IFT43: variants seen among roughly 807,000 people sequenced by gnomAD.
IFT43 encodes the protein intraflagellar transport 43.
In IFT43, 33 loss-of-function variants were observed where a neutral mutation model predicts 32.3. The observed-to-expected ratio is 1.02, with a 90% CI of 0.77 to 1.37. The LOEUF (loss-of-function observed/expected upper bound fraction) is 1.37, where lower values mean the gene tolerates loss of function less well. Among genes scored for constraint, IFT43 ranks in the 40% most tolerant of loss-of-function variants. The probability of loss-of-function intolerance (pLI) is 0.00; values close to 1 mark genes in which losing one functional copy is unlikely to be tolerated. For synonymous variants in IFT43, 93 were observed against 98.2 expected (o/e 0.95, Z 0.31); for missense variants, 274 against 265.9 (o/e 1.03, Z -0.21).
intron 3 of IFT43, among the ~76,000 whole-genome samples, chr14:76,042,544 T>G (rs1452772327): frequency 6.6e-6 from 1 of 152,214 alleles, no homozygotes; most frequent in African/African-American, 2.4e-5. Flanking sequence ...CTAGCATCCT[T>G]TGGCCTCGCT....
chr14:76,031,838 TC>T (rs1316933516), intron 3 of IFT43, among the ~76,000 whole-genome samples: 1 of 152,192 alleles, frequency 6.6e-6, no homozygotes, highest in African/African-American at 2.4e-5. Context: ...CCAGGGCTCT[TC>T]CTCTAACCTT....
chr14:76,047,495 T>G (rs766297280), intron 3 of IFT43, among the ~76,000 whole-genome samples: 1 of 152,162 alleles, frequency 6.6e-6, no homozygotes, highest in Non-Finnish European at 1.5e-5. Flanking sequence ...GTTAACTGTT[T>G]AGGAGAGGAG....
At chr14:75,986,020 T>C in intron 1 of IFT43, 180 bp downstream of exon 1, 1 of 1,525,012 alleles carries the variant, frequency 6.6e-7, no homozygotes, top group Non-Finnish European at 8.8e-7. Flanking sequence ...CCGCCGCTGC[T>C]GGCCTGGGGT....
At chr14:76,016,983 C>A (rs2036200640) in intron 2 of IFT43, among the ~76,000 whole-genome samples, 2 of 152,108 alleles carry the variant, frequency 1.3e-5, no homozygotes, top group African/African-American at 4.8e-5. Context: ...AAGATCATAT[C>A]ATCTGCAAAG....
intron 3 of IFT43, among the ~76,000 whole-genome samples, chr14:76,027,923 A>T (rs1167691380): frequency 2.0e-5 from 3 of 151,986 alleles, no homozygotes; most frequent in Admixed American, 2.0e-4. Flanking sequence ...GTCTCTCTTG[A>T]TGTAAACTAG....
chr14:76,042,547 G>A lies in IFT43; in HGVS notation c.216-16095G>A, dbSNP rs369685588. Among the ~76,000 whole-genome samples the A allele has an allele frequency of 1.2e-3, 179 of 152,314 alleles. 5 individuals carry two copies. In the South Asian group the frequency reaches 0.035, roughly 30 times the overall value. ...CCTAAGCCCTTCCTAGCATCCTTTG[G>A]CCTCGCTCTCTGCAGAGTTGTGCTC... On this transcript the variant is annotated intron_variant, in intron 3 of 8. Coordinates refer to ENST00000314067, the MANE Select transcript of IFT43 (RefSeq NM_001102564.3).
intron 3 of IFT43, among the ~76,000 whole-genome samples, chr14:76,044,921 C>T (rs2036776383): frequency 6.6e-6 from 1 of 152,060 alleles, no homozygotes; most frequent in South Asian, 2.1e-4. Flanking sequence ...TCTGCTTTTC[C>T]TCTAGCTTAC....
At chr14:76,044,088 C>T (rs187669476) in intron 3 of IFT43, among the ~76,000 whole-genome samples, 101 of 149,056 alleles carry the variant, frequency 6.8e-4, no homozygotes, top group African/African-American at 2.0e-3. Flanking sequence ...CTTACTCAGT[C>T]GCCCAGGCTG....
At chr14:76,002,456 G>A (rs1255381647) in intron 2 of IFT43, among the ~76,000 whole-genome samples, 1 of 152,080 alleles carries the variant, frequency 6.6e-6, no homozygotes, top group African/African-American at 2.4e-5. Flanking sequence ...GTTAGATGAG[G>A]AGGGAAGGAG....
chr14:76,073,381 C>T (rs1594864066), intron 5 of IFT43, among the ~76,000 whole-genome samples: 2 of 152,308 alleles, frequency 1.3e-5, no homozygotes, highest in East Asian at 3.9e-4. Flanking sequence ...AAGTCTTTTC[C>T]TTCTGACACA....
intron 2 of IFT43, among the ~76,000 whole-genome samples, chr14:76,008,330 A>G (rs1263925855): frequency 1.3e-5 from 2 of 152,208 alleles, no homozygotes; most frequent in South Asian, 2.1e-4. Flanking sequence ...AACCCTAAGC[A>G]TTAAGGATTC....
intron 5 of IFT43, among the ~76,000 whole-genome samples, chr14:76,077,618 G>T (rs2037434397): frequency 1.3e-5 from 2 of 152,120 alleles, no homozygotes. Context: ...CACGAATAAA[G>T]TATTATGGAA....
chr14:76,018,508 A>G (rs1175703285), intron 2 of IFT43, among the ~76,000 whole-genome samples: 2 of 152,164 alleles, frequency 1.3e-5, no homozygotes, highest in African/African-American at 2.4e-5. Flanking sequence ...GCTGATGAGA[A>G]GAATGTGTGT....
chr14:76,001,229 T>G (rs952647323), intron 2 of IFT43, among the ~76,000 whole-genome samples: 2 of 152,188 alleles, frequency 1.3e-5, no homozygotes, highest in African/African-American at 4.8e-5. Context: ...GCGGCCTTCT[T>G]TAAGAAAAAC....
At chr14:75,985,989 G>A in intron 1 of IFT43, 149 bp downstream of exon 1, 5 of 1,525,444 alleles carry the variant, frequency 3.3e-6, no homozygotes, top group Non-Finnish European at 4.4e-6. Flanking sequence ...TCACCGCCCC[G>A]CCCCCAGGCC....
chr14:76,030,676 A>C (rs2036494062), intron 3 of IFT43, among the ~76,000 whole-genome samples: 1 of 152,196 alleles, frequency 6.6e-6, no homozygotes, highest in African/African-American at 2.4e-5. Context: ...TTTTGTCCTT[A>C]GAATATATCA....
At chr14:76,004,218 G>A (rs2035941091) in intron 2 of IFT43, among the ~76,000 whole-genome samples, 1 of 152,116 alleles carries the variant, frequency 6.6e-6, no homozygotes, top group Non-Finnish European at 1.5e-5. Flanking sequence ...AGCATTTCTG[G>A]TAGCACAGAT....
At chr14:75,992,423 T>G (rs1434391627) in intron 2 of IFT43, among the ~76,000 whole-genome samples, 1 of 152,212 alleles carries the variant, frequency 6.6e-6, no homozygotes, top group Non-Finnish European at 1.5e-5. Flanking sequence ...CTGCTTTTAT[T>G]AAAGGGCACC....
chr14:75,986,372 G>A (rs2035527822), intron 1 of IFT43: 1 of 999,940 alleles, frequency 1.0e-6, no homozygotes, highest in Non-Finnish European at 1.3e-6. Context: ...AACCAAGACC[G>A]ATTTGTAACG....
Sources: allele counts gnomAD v4.1 joint callset (sites outside exome capture counted in the v4.1 genomes callset), GRCh38; gene constraint gnomAD v4.1.1; transcripts MANE v1.5; gene names NCBI Gene and HGNC (gene_info 2026-07-23, HGNC 2026-07-21).